Variants in DPYD observed in about 807,000 individuals in gnomAD.
The protein encoded by DPYD is dihydropyrimidine dehydrogenase [NADP(+)].
Under a neutral mutation model 116.2 loss-of-function variants are expected in DPYD, and 109 were observed. That is an observed-to-expected ratio of 0.94 (90% CI 0.80 to 1.10). The LOEUF (loss-of-function observed/expected upper bound fraction) is 1.10, where lower values mean the gene tolerates loss of function less well. Ranked by LOEUF, DPYD falls within the 50% of genes least tolerant of loss-of-function variation. DPYD has a pLI of 0.00. For synonymous variants in DPYD, 440 were observed against 432.0 expected, an observed-to-expected ratio of 1.02 and a Z score of -0.23; for missense variants, 1,302 against 1,254.5, an observed-to-expected ratio of 1.04 and a Z score of -0.57.
intron 14 of DPYD, among the ~76,000 whole-genome samples, chr1:97,421,845 T>A (rs529646421): frequency 1.3e-5 from 2 of 152,314 alleles, no homozygotes; most frequent in East Asian, 3.9e-4. Context: ...TTAGGAAGAA[T>A]GTTTCCAAAA....
chr1:97,726,875 TTTAAAG>T (rs1169026191), intron 4 of DPYD, among the ~76,000 whole-genome samples: 1 of 151,596 alleles, frequency 6.6e-6, no homozygotes, highest in African/African-American at 2.4e-5. Context: ...AAATAAAATA[TTTAAAG>T]TTATACTTAT....
At chr1:97,666,304 G>A (rs536712344) in intron 8 of DPYD, among the ~76,000 whole-genome samples, 12 of 151,960 alleles carry the variant, frequency 7.9e-5, no homozygotes, top group African/African-American at 2.2e-4. Flanking sequence ...TATTGAATAG[G>A]TACATCCCAC....
intron 13 of DPYD, among the ~76,000 whole-genome samples, chr1:97,487,530 G>T (rs573011851): frequency 6.6e-6 from 1 of 151,980 alleles, no homozygotes; most frequent in African/African-American, 2.4e-5. Flanking sequence ...AAAATTAGCC[G>T]GGTGTGGTGG....
chr1:97,720,997 C>G, intron 5 of DPYD: 3 of 1,564,514 alleles, frequency 1.9e-6, no homozygotes, highest in Non-Finnish European at 1.7e-6. Flanking sequence ...AATAAAAGAC[C>G]TGCTTCCAAT....
intron 12 of DPYD, among the ~76,000 whole-genome samples, chr1:97,534,235 T>C (rs1188672490): frequency 6.6e-6 from 1 of 152,192 alleles, no homozygotes; most frequent in African/African-American, 2.4e-5. Context: ...GGATGTTGTC[T>C]GGTATACAGT....
At chr1:97,897,489 G>A (rs573855635) in intron 1 of DPYD, among the ~76,000 whole-genome samples, 2 of 151,626 alleles carry the variant, frequency 1.3e-5, no homozygotes, top group Non-Finnish European at 2.9e-5. Flanking sequence ...TCATCTCTGG[G>A]GAAATTCCAT....
At chr1:97,464,508 GGTCCA>G (rs1321956634) in intron 13 of DPYD, among the ~76,000 whole-genome samples, 1 of 152,100 alleles carries the variant, frequency 6.6e-6, no homozygotes, top group Non-Finnish European at 1.5e-5. Flanking sequence ...TCATGGGCCA[GGTCCA>G]GGGTCCCTCT....
At chr1:97,357,370 T>G (rs1369091344) in intron 16 of DPYD, among the ~76,000 whole-genome samples, 1 of 148,520 alleles carries the variant, frequency 6.7e-6, no homozygotes, top group Admixed American at 6.7e-5. Context: ...CTAACAGTGT[T>G]TTTTTTTTTT....
intron 3 of DPYD, among the ~76,000 whole-genome samples, chr1:97,791,646 T>G (rs1207029801): frequency 6.6e-6 from 1 of 152,212 alleles, no homozygotes; most frequent in Non-Finnish European, 1.5e-5. Flanking sequence ...TTTACTACTT[T>G]AAAAACTTCT....
intron 3 of DPYD, among the ~76,000 whole-genome samples, chr1:97,756,911 A>C: frequency 6.6e-6 from 1 of 152,114 alleles, no homozygotes; most frequent in African/African-American, 2.4e-5. Flanking sequence ...CCTATCTGGC[A>C]GGTTCCTGGG....
intron 5 of DPYD, among the ~76,000 whole-genome samples, chr1:97,707,588 C>T (rs1027785590): frequency 8.6e-5 from 13 of 151,790 alleles, no homozygotes; most frequent in African/African-American, 3.1e-4. Context: ...ATGATGATTT[C>T]CAATTTCATC....
intron 18 of DPYD, among the ~76,000 whole-genome samples, chr1:97,257,452 T>TATATATATATATATATAG (rs375490078): frequency 2.5e-4 from 31 of 126,470 alleles, no homozygotes; most frequent in African/African-American, 8.8e-4. Flanking sequence ...TATATATATA[T>TATATATATATATATATAG]AGAGAGAGAG....
chr1:97,088,597 TC>T (rs1482202170), intron 21 of DPYD, among the ~76,000 whole-genome samples: 1 of 152,150 alleles, frequency 6.6e-6, no homozygotes. Context: ...TGTTTTTCTT[TC>T]ATTTCACTCT....
At chr1:97,823,227 T>C (rs2101458033) in intron 3 of DPYD, among the ~76,000 whole-genome samples, 1 of 152,266 alleles carries the variant, frequency 6.6e-6, no homozygotes, top group South Asian at 2.1e-4. Flanking sequence ...TGATCTCTGC[T>C]GACTTCAAGC....
chr1:97,917,479 T>G (rs1193179006), intron 1 of DPYD, among the ~76,000 whole-genome samples: 3 of 152,216 alleles, frequency 2.0e-5, no homozygotes, highest in Non-Finnish European at 4.4e-5. Context: ...TCCTAGTTAA[T>G]CATACAGAAA....
chr1:97,080,807 G>A (rs1285020994), intron 22 of DPYD, among the ~76,000 whole-genome samples: 1 of 152,066 alleles, frequency 6.6e-6, no homozygotes, highest in African/African-American at 2.4e-5. Flanking sequence ...TGAGACAGAA[G>A]AATCAAAGAA....
chr1:97,675,333 AGAGTCTTT>A (rs1479750816), intron 8 of DPYD, among the ~76,000 whole-genome samples: 1 of 152,216 alleles, frequency 6.6e-6, no homozygotes, highest in East Asian at 1.9e-4. Flanking sequence ...CCAAAACTTT[AGAGTCTTT>A]AACAATGACT....
intron 18 of DPYD, among the ~76,000 whole-genome samples, chr1:97,273,876 G>T (rs1026481003): frequency 6.6e-6 from 1 of 152,024 alleles, no homozygotes; most frequent in Non-Finnish European, 1.5e-5. Context: ...ATATTCCAGG[G>T]ATAAGGCAAT....
intron 2 of DPYD, among the ~76,000 whole-genome samples, chr1:97,875,440 T>A (rs1484787712): frequency 6.6e-6 from 1 of 151,984 alleles, no homozygotes. Flanking sequence ...TAATTGAGAT[T>A]TTCCACTGTT....
Sources: gnomAD v4.1 joint callset for allele counts (sites outside exome capture counted in the v4.1 genomes callset) on GRCh38, gnomAD v4.1.1 for gene constraint, MANE v1.5 for transcripts, NCBI Gene and HGNC (gene_info 2026-07-23, HGNC 2026-07-21) for gene names.